EIPR1: variants seen among roughly 807,000 people sequenced by gnomAD.
EIPR1 encodes EARP complex and GARP complex interacting protein 1, also known as EARP and GARP complex-interacting protein 1.
In EIPR1, 25 loss-of-function variants were observed where a neutral mutation model predicts 48.1. The ratio of observed to expected loss-of-function variants is 0.52; its 90% CI spans 0.38 to 0.73. The LOEUF (loss-of-function observed/expected upper bound fraction) is 0.73, where lower values mean the gene tolerates loss of function less well. Ranked by LOEUF, EIPR1 falls within the 30% of genes least tolerant of loss-of-function variation. The pLI is 0.00. For synonymous variants in EIPR1, 204 were observed against 201.9 expected, an observed-to-expected ratio of 1.01 and a Z score of -0.09; for missense variants, 415 against 506.2, an observed-to-expected ratio of 0.82 and a Z score of 1.73.
chr2:3,280,560 C>T (rs2368681), intron 3 of EIPR1, among the ~76,000 whole-genome samples: 87,393 of 151,772 alleles, frequency 0.58, 25,536 homozygotes, highest in East Asian at 0.75. Flanking sequence ...ACCCTGACCG[C>T]GCCTGCAGAT....
chr2:3,337,886 T>C, intron 3 of EIPR1, 131 bp downstream of exon 3: 1 of 943,096 alleles, frequency 1.1e-6, no homozygotes, highest in South Asian at 1.7e-5. Context: ...GGCTTCTCTG[T>C]GCATGCAACA....
intron 4 of EIPR1, among the ~76,000 whole-genome samples, chr2:3,227,911 T>C (rs1267361746): frequency 2.6e-5 from 4 of 152,228 alleles, no homozygotes; most frequent in Admixed American, 1.3e-4. Flanking sequence ...AACTGAGGTA[T>C]GGAAACCTCT....
In EIPR1 at chr2:3,194,073, G is replaced by A. The variant is rs753826505; in HGVS notation, c.747C>T (p.Asp249=). The A allele has an allele frequency of 8.7e-6, 14 of 1,613,756 alleles. No individual in the cohort carries two copies. In the East Asian group the frequency reaches 8.9e-5, roughly 10 times the overall value. Residue 249 remains aspartate, a synonymous_variant, in exon 7 of 9, where the codon GAC becomes GAT. Transcript: ENST00000382125. The stretch of plus-strand genomic sequence containing the variant: ...TGTCCCAGAACTTCACCTTACAGTC[G>A]TCTCCGCAGCTGGCCAAGTAGTACT... ...NKQYYLASCG[D]DCKVKFWDTR...
intron 1 of EIPR1, among the ~76,000 whole-genome samples, chr2:3,371,162 A>G (rs183533002): frequency 5.5e-4 from 84 of 152,330 alleles, no homozygotes; most frequent in Admixed American, 2.7e-3. Context: ...AAGGAGAAAT[A>G]AAATACTTTA....
intron 4 of EIPR1, among the ~76,000 whole-genome samples, chr2:3,223,306 A>G (rs1665957149): frequency 6.6e-6 from 1 of 151,988 alleles, no homozygotes; most frequent in Admixed American, 6.6e-5. Context: ...CCCCCCACAC[A>G]TGCAACACAT....
intron 3 of EIPR1, among the ~76,000 whole-genome samples, chr2:3,257,774 G>A (rs1667207243): frequency 6.6e-6 from 1 of 152,178 alleles, no homozygotes; most frequent in African/African-American, 2.4e-5. Context: ...AAAAAAGGGA[G>A]CAAAATGGGG....
At chr2:3,240,410 T>C (rs371211954) in intron 4 of EIPR1, among the ~76,000 whole-genome samples, 9 of 117,218 alleles carry the variant, frequency 7.7e-5, no homozygotes, top group African/African-American at 1.3e-4. Context: ...AGCCAGCAGA[T>C]CCTTCCTAAA....
At chr2:3,262,579 T>A (rs1367866365) in intron 3 of EIPR1, among the ~76,000 whole-genome samples, 1 of 152,182 alleles carries the variant, frequency 6.6e-6, no homozygotes, top group Non-Finnish European at 1.5e-5. Flanking sequence ...AAGATCAGGC[T>A]GGGGAGAGGC....
chr2:3,266,260 G>A (rs1207459077), intron 3 of EIPR1, among the ~76,000 whole-genome samples: 5 of 152,228 alleles, frequency 3.3e-5, no homozygotes, highest in African/African-American at 9.6e-5. Flanking sequence ...TTCCAGGGCT[G>A]CATAAGCAGT....
In EIPR1 at chr2:3,214,001, C is replaced by G. The variant is rs1475579664; in HGVS notation, c.516+148G>C. 6.6e-6 allele frequency: 4 copies of G among 608,342 alleles called. No individual in the cohort carries two copies. The Admixed American group carries it at 1.2e-4, about 18-fold the overall frequency. 37.7% of individuals were successfully genotyped at this position (608,342 alleles called of 1,614,324 possible). A position where few individuals can be genotyped will look rare whatever the true frequency, so the allele number is the denominator to read the frequency against. ...GTCTCCTAATGCTATCCCTCCCGCT[C>G]CCCCAACCCCACGACAGGCCCTGGT... On this transcript the variant is annotated intron_variant, in intron 5 of 8. Transcript: ENST00000382125.
chr2:3,268,328 T>A (rs1370539177), intron 3 of EIPR1, among the ~76,000 whole-genome samples: 1 of 152,162 alleles, frequency 6.6e-6, no homozygotes, highest in African/African-American at 2.4e-5. Flanking sequence ...GGGCACAGCA[T>A]GCCATCAGCT....
At chr2:3,346,863 G>A (rs1282543158) in intron 2 of EIPR1, among the ~76,000 whole-genome samples, 1 of 152,212 alleles carries the variant, frequency 6.6e-6, no homozygotes, top group Non-Finnish European at 1.5e-5. Context: ...TTGCAGGAAT[G>A]TCACCTGACA....
At chr2:3,192,785 C>T (rs1664654795) in intron 7 of EIPR1, among the ~76,000 whole-genome samples, 1 of 150,964 alleles carries the variant, frequency 6.6e-6, no homozygotes, top group African/African-American at 2.4e-5. Context: ...TCCCAAGAGA[C>T]AGACAGGGAA....
At chr2:3,224,178 G>A (rs765674003) in intron 4 of EIPR1, among the ~76,000 whole-genome samples, 18 of 152,166 alleles carry the variant, frequency 1.2e-4, no homozygotes, top group Admixed American at 1.1e-3. Flanking sequence ...TCTCTGCCTG[G>A]TCCCATCTCG....
chr2:3,321,651 A>T (rs77835887), intron 3 of EIPR1, among the ~76,000 whole-genome samples: 4,456 of 152,320 alleles, frequency 0.029, 82 homozygotes, highest in Middle Eastern at 0.068. Flanking sequence ...GATCAAGGGG[A>T]AAATGCATCT....
At chr2:3,376,735 T>A (rs1368244616) in intron 1 of EIPR1, among the ~76,000 whole-genome samples, 1 of 151,222 alleles carries the variant, frequency 6.6e-6, no homozygotes, top group Non-Finnish European at 1.5e-5. Flanking sequence ...CTTTAACACA[T>A]ACTGCTGCAC....
chr2:3,197,258 G>A (rs1029020312), intron 5 of EIPR1, among the ~76,000 whole-genome samples: 1 of 152,184 alleles, frequency 6.6e-6, no homozygotes, highest in African/African-American at 2.4e-5. Context: ...CTCTATTAAA[G>A]AGCGTTTGCT....
chr2:3,276,324 C>A (rs149921433), intron 3 of EIPR1, among the ~76,000 whole-genome samples: 1 of 152,224 alleles, frequency 6.6e-6, no homozygotes. Flanking sequence ...AGACAGAGAA[C>A]GGATGATGTG....
intron 4 of EIPR1, among the ~76,000 whole-genome samples, chr2:3,222,690 G>A (rs537775375): frequency 3.3e-5 from 5 of 152,334 alleles, no homozygotes; most frequent in African/African-American, 1.2e-4. Flanking sequence ...AACTGAGTCT[G>A]TGGGAGGGAG....
Sources: gnomAD v4.1 joint callset for allele counts (sites outside exome capture counted in the v4.1 genomes callset) on GRCh38, gnomAD v4.1.1 for gene constraint, MANE v1.5 for transcripts, NCBI Gene and HGNC (gene_info 2026-07-23, HGNC 2026-07-21) for gene names.